The following SPATA3 variants were observed in gnomAD, a reference collection of about 807,000 sequenced individuals.
The protein encoded by SPATA3 is spermatogenesis-associated protein 3.
SPATA3 carries 6 observed loss-of-function variants against 5.7 expected under a neutral mutation model. That is an observed-to-expected ratio of 1.06 (90% CI 0.58 to 2.09). The LOEUF (loss-of-function observed/expected upper bound fraction) is 2.09, where lower values mean the gene tolerates loss of function less well. Ranked by LOEUF, SPATA3 falls within the 30% of genes most tolerant of loss-of-function variation. The pLI, the probability that SPATA3 is intolerant of heterozygous loss-of-function variation, is 0.00. For synonymous variants in SPATA3, 44 were observed against 48.4 expected (o/e 0.91, Z 0.37); for missense variants, 155 against 130.4 (o/e 1.19, Z -0.92).
chr2:231,011,090 GAAAA>G (rs1692774631), downstream of SPATA3, among the ~76,000 whole-genome samples: 2 of 68,846 alleles, frequency 2.9e-5, no homozygotes, highest in Admixed American at 1.6e-4. Flanking sequence ...AAAAAAAAAA[GAAAA>G]GAAAAAGAAA....
intron 6 of SPATA3, among the ~76,000 whole-genome samples, chr2:231,016,305 C>T (rs76988030): frequency 0.021 from 3,151 of 151,914 alleles, 121 homozygotes; most frequent in African/African-American, 0.071. Context: ...CTCAGAGGAG[C>T]AGATCTCCAC....
At chr2:231,005,708 C>A (rs1180705135), downstream of SPATA3, among the ~76,000 whole-genome samples, 1 of 151,188 alleles carries the variant, frequency 6.6e-6, no homozygotes, top group Non-Finnish European at 1.5e-5. Flanking sequence ...GGCAATTCTG[C>A]ACATCCCTTC....
intron 2 of SPATA3, among the ~76,000 whole-genome samples, chr2:231,001,780 T>A (rs1692360647): frequency 6.6e-6 from 1 of 152,182 alleles, no homozygotes; most frequent in African/African-American, 2.4e-5. Context: ...GCAGTCGACA[T>A]GGAGAGCTAA....
chr2:231,013,953 T>A (rs1692860046), exon 6 of SPATA3: 1 of 151,712 alleles, frequency 6.6e-6, no homozygotes, highest in South Asian at 2.1e-4. Flanking sequence ...GTCTAGGCTA[T>A]AGGCTGGCCT....
chr2:231,001,519 G>A (rs111328660), intron 2 of SPATA3, among the ~76,000 whole-genome samples: 50 of 152,238 alleles, frequency 3.3e-4, no homozygotes, highest in African/African-American at 1.1e-3. Context: ...ATACCGGGGC[G>A]TGTGGGGAGA....
At chr2:231,004,803 G>T (rs1574663141), downstream of SPATA3, among the ~76,000 whole-genome samples, 2 of 152,068 alleles carry the variant, frequency 1.3e-5, no homozygotes, top group Non-Finnish European at 2.9e-5. Context: ...GTTAAATGGA[G>T]ATAATCATAG....
At chr2:231,015,593 C>T (rs6750277) in intron 6 of SPATA3, among the ~76,000 whole-genome samples, 59,605 of 152,024 alleles carry the variant, frequency 0.39, 12,439 homozygotes, top group African/African-American at 0.52. Flanking sequence ...TGGAATCAGG[C>T]CGCATGCTTA....
At chr2:231,005,530 C>G (rs1351188661), downstream of SPATA3, among the ~76,000 whole-genome samples, 1 of 29,170 alleles carries the variant, frequency 3.4e-5, no homozygotes, top group Non-Finnish European at 7.4e-5. Context: ...CCACCACCAC[C>G]ATCATCACCA....
chr2:230,998,776 C>T (rs149799563), intron 1 of SPATA3, among the ~76,000 whole-genome samples: 21 of 152,256 alleles, frequency 1.4e-4, no homozygotes, highest in Admixed American at 6.5e-4. Context: ...ACACTGTAGG[C>T]GGGAATGTAA....
At position 230,996,204 on chromosome 2, in the gene SPATA3, A is replaced by C; in HGVS notation, c.791-4162A>C. 2.0e-6 allele frequency: 3 copies of C among 1,536,254 alleles called. No individual in the cohort carries two copies. The highest frequency in any genetic ancestry group is 2.6e-6 in the Non-Finnish European group (3 of 1,140,952). On this transcript the variant is annotated intron_variant, in intron 1 of 2. The change abolishes the stop of an existing upstream ORF in the 5' untranslated region. Coordinates refer to ENST00000645363, the Ensembl canonical transcript of SPATA3. ...GCCGGGAGATTACGCAGCTCCATGT[A>C]GGTCCACGTTTAGGTTGGGAGGATC... is the stretch of plus-strand genomic sequence containing the variant.
At chr2:230,997,436 G>C (rs1057132737) in intron 1 of SPATA3, among the ~76,000 whole-genome samples, 3 of 152,154 alleles carry the variant, frequency 2.0e-5, no homozygotes, top group African/African-American at 7.2e-5. Flanking sequence ...TCAGCAGTGT[G>C]AAAACAGACA....
exon 3 of SPATA3, chr2:231,002,701 C>A (rs1692399491): frequency 1.3e-6 from 2 of 1,519,706 alleles, no homozygotes; most frequent in Non-Finnish European, 1.8e-6. Flanking sequence ...TCAAGAAAAC[C>A]CTCCAGTCAT....
At chr2:230,997,283 C>A (rs117467125) in intron 1 of SPATA3, among the ~76,000 whole-genome samples, 4,003 of 152,270 alleles carry the variant, frequency 0.026, 155 homozygotes, top group East Asian at 0.18. Context: ...TTTCCCTGCA[C>A]AAACTCTCTT....
chr2:231,001,865 C>T (rs899818413), intron 2 of SPATA3, among the ~76,000 whole-genome samples: 9 of 152,156 alleles, frequency 5.9e-5, no homozygotes, highest in Non-Finnish European at 1.3e-4. Context: ...CAACAGGAAC[C>T]TCTGAAAGGT....
At chr2:231,007,061 G>A (rs933736097), downstream of SPATA3, among the ~76,000 whole-genome samples, 1 of 152,146 alleles carries the variant, frequency 6.6e-6, no homozygotes, top group Middle Eastern at 3.2e-3. Context: ...TGGGTGCAAG[G>A]AATGGAAGAA....
downstream of SPATA3, among the ~76,000 whole-genome samples, chr2:231,003,637 A>G (rs1427001537): frequency 6.6e-6 from 1 of 152,112 alleles, no homozygotes; most frequent in Non-Finnish European, 1.5e-5. Context: ...TAGGGACTGC[A>G]TGTCTTTGTG....
chr2:231,013,270 G>T (rs945491134), intron 5 of SPATA3, among the ~76,000 whole-genome samples: 1 of 152,064 alleles, frequency 6.6e-6, no homozygotes, highest in African/African-American at 2.4e-5. Flanking sequence ...ACATGATTTT[G>T]CATGTTCTAG....
chr2:231,010,431 C>G (rs1692751677), downstream of SPATA3, among the ~76,000 whole-genome samples: 1 of 152,226 alleles, frequency 6.6e-6, no homozygotes, highest in Non-Finnish European at 1.5e-5. Flanking sequence ...GCAAGATCTT[C>G]TCTGGAATGG....
intron 6 of SPATA3, among the ~76,000 whole-genome samples, chr2:231,019,507 G>A (rs1235840995): frequency 2.0e-5 from 3 of 149,294 alleles, no homozygotes; most frequent in Admixed American, 2.0e-4. Flanking sequence ...TGTATTTTTA[G>A]TAGAGATGGG....
Sources: allele counts gnomAD v4.1 joint callset (sites outside exome capture counted in the v4.1 genomes callset), GRCh38; gene constraint gnomAD v4.1.1; transcripts MANE v1.5; gene names NCBI Gene and HGNC (gene_info 2026-07-23, HGNC 2026-07-21).